BANK1: variants seen among roughly 807,000 people sequenced by gnomAD.
The protein encoded by BANK1 is B cell scaffold protein with ankyrin repeats 1.
In BANK1, 95 loss-of-function variants were observed where a neutral mutation model predicts 94.5. The observed-to-expected ratio is 1.00, with a 90% confidence interval of 0.85 to 1.19. The LOEUF (loss-of-function observed/expected upper bound fraction) is 1.19, where lower values mean the gene tolerates loss of function less well. Ranked by LOEUF, BANK1 falls within the 50% of genes most tolerant of loss-of-function variation. The pLI is 0.00. For synonymous variants in BANK1, 334 were observed against 308.4 expected, an observed-to-expected ratio of 1.08 and a Z score of -0.87; for missense variants, 987 against 932.2, an observed-to-expected ratio of 1.06 and a Z score of -0.77.
At chr4:101,954,490 G>T (rs1322992772) in intron 7 of BANK1, among the ~76,000 whole-genome samples, 1 of 152,054 alleles carries the variant, frequency 6.6e-6, no homozygotes, top group African/African-American at 2.4e-5. Context: ...GCCTAGAAAA[G>T]GTGGTAGTAA....
At chr4:101,989,528 C>G (rs2631272) in intron 7 of BANK1, among the ~76,000 whole-genome samples, 1 of 146,400 alleles carries the variant, frequency 6.8e-6, no homozygotes. Context: ...ATCTAAAGAA[C>G]TTATTTCAAT....
intron 2 of BANK1, among the ~76,000 whole-genome samples, chr4:101,842,800 T>C (rs1727102811): frequency 6.6e-6 from 1 of 152,216 alleles, no homozygotes; most frequent in Admixed American, 6.5e-5. Context: ...AATTTTCCCT[T>C]TCCTCATCAC....
At chr4:102,017,179 G>A (rs1237757893) in intron 7 of BANK1, among the ~76,000 whole-genome samples, 6 of 152,080 alleles carry the variant, frequency 3.9e-5, no homozygotes, top group Non-Finnish European at 4.4e-5. Flanking sequence ...TTTAAACGAA[G>A]GTAGTTATCT....
rs569787002 is a variant in BANK1, at chr4:101,960,022, G to A, written c.1206+41833G>A. ...CAAGAAGGGACTTGAGAAATGGGTGGGTGCACTCCTTCACTTTATGGAAGA... is the reference window on the plus strand; with the variant it reads ...CAAGAAGGGACTTGAGAAATGGGTGAGTGCACTCCTTCACTTTATGGAAGA... On this transcript the variant is annotated intron_variant, in intron 7 of 16. Coordinates refer to ENST00000322953, the MANE Select transcript of BANK1 (RefSeq NM_017935.5). Among the ~76,000 whole-genome samples the A allele has an allele frequency of 7.4e-4, 113 of 152,132 alleles. 1 individual carries two copies. Among genetic ancestry groups the A allele is most frequent in the Middle Eastern group, 6.8e-3 (2 of 294 alleles).
At chr4:101,815,664 A>G (rs774832281) in intron 1 of BANK1, among the ~76,000 whole-genome samples, 19 of 152,222 alleles carry the variant, frequency 1.2e-4, no homozygotes, top group African/African-American at 3.1e-4. Context: ...GATATTTAAA[A>G]ATTAATAGGT....
rs1726532592 is a variant in BANK1, at chr4:101,829,814, C to T, written c.77C>T (p.Thr26Ile). ...APCGPAPPGN[T>I]KDIIMIYEED... is the part of the protein sequence containing the mutation. ...ATATTTTTTCTTTTTCCAGGAAATA[C>T]AAAAGATATAATAATGATATATGAA... The change falls in exon 2 of 17, where the codon ACA becomes ATA. Residue 26 changes from threonine (T) to isoleucine (I), a missense_variant. Physicochemically the swap from Thr to Ile is moderately conservative, Grantham distance 89. Transcript: ENST00000322953. The T allele has an allele frequency of 6.6e-7, 1 of 1,513,334 alleles. No individual in the cohort carries two copies. The highest frequency in any genetic ancestry group is 8.9e-7 in the Non-Finnish European group (1 of 1,127,058). 93.7% of individuals were successfully genotyped at this position (1,513,334 alleles called of 1,614,324 possible). A position where few individuals can be genotyped will look rare whatever the true frequency, so the allele number is the denominator to read the frequency against.
intron 7 of BANK1, among the ~76,000 whole-genome samples, chr4:101,926,453 G>A (rs73836657): frequency 8.7e-4 from 132 of 151,708 alleles, no homozygotes; most frequent in African/African-American, 2.9e-3. Flanking sequence ...ATCAACTCTC[G>A]CTTAAGCCAG....
chr4:101,860,394 A>G (rs1578362117), intron 3 of BANK1, among the ~76,000 whole-genome samples: 1 of 151,146 alleles, frequency 6.6e-6, no homozygotes, highest in Non-Finnish European at 1.5e-5. Flanking sequence ...TTTCTCTGGA[A>G]ATGGTTGAAA....
intron 5 of BANK1, among the ~76,000 whole-genome samples, chr4:101,878,991 CA>C (rs34061204): frequency 2.0e-5 from 3 of 148,766 alleles, no homozygotes. Context: ...GTGCCTATGT[CA>C]AAAAAAAAGA....
At chr4:102,073,432 G>A (rs1035587716) in intron 15 of BANK1, among the ~76,000 whole-genome samples, 5 of 151,942 alleles carry the variant, frequency 3.3e-5, no homozygotes, top group African/African-American at 1.2e-4. Context: ...AAGAGGAAAA[G>A]AATACAAATT....
chr4:102,030,010 G>A lies in BANK1; in HGVS notation c.1645G>A (p.Gly549Ser). 1.9e-6 allele frequency: 3 copies of A among 1,613,130 alleles called. No individual in the cohort carries two copies. In the Admixed American group the frequency reaches 5.0e-5, roughly 27 times the overall value. ...MERSQNWGHP[G>S]VRQETGDEPK... The stretch of plus-strand genomic sequence containing the variant: ...AAGAAGTCAAAACTGGGGTCATCCT[G>A]GTGTTAGACAAGAAACAGGAGATGA... The change falls in exon 10 of 17, where the codon GGT becomes AGT. Residue 549 changes from glycine (G) to serine (S), a missense_variant. Transcript: ENST00000322953.
At chr4:102,072,497 T>A in intron 15 of BANK1, 97 bp downstream of exon 15, 1 of 886,844 alleles carries the variant, frequency 1.1e-6, no homozygotes, top group Non-Finnish European at 1.8e-6. Context: ...CTTTTAGACA[T>A]TCTAACAGAT....
At chr4:102,071,868 A>G (rs1578493557) in intron 14 of BANK1, among the ~76,000 whole-genome samples, 3 of 152,174 alleles carry the variant, frequency 2.0e-5, no homozygotes, top group Admixed American at 2.0e-4. Flanking sequence ...CCTGGACCAA[A>G]CCACTGACTG....
intron 7 of BANK1, among the ~76,000 whole-genome samples, chr4:102,009,968 T>TA (rs1434269308): frequency 6.6e-6 from 1 of 152,150 alleles, no homozygotes; most frequent in Non-Finnish European, 1.5e-5. Flanking sequence ...ATAAGTAAGT[T>TA]AAAAATTGAA....
intron 10 of BANK1, among the ~76,000 whole-genome samples, chr4:102,033,448 C>T (rs1727396116): frequency 6.6e-6 from 1 of 152,020 alleles, no homozygotes; most frequent in Admixed American, 6.5e-5. Flanking sequence ...AATGATAAAA[C>T]CTGTGTACTA....
chr4:101,926,149 C>G (rs1723144193), intron 7 of BANK1, among the ~76,000 whole-genome samples: 1 of 151,600 alleles, frequency 6.6e-6, no homozygotes, highest in Non-Finnish European at 1.5e-5. Context: ...TACTTTTCTA[C>G]TAGTATCATG....
intron 7 of BANK1, among the ~76,000 whole-genome samples, chr4:101,979,930 C>G (rs1725274149): frequency 6.6e-6 from 1 of 151,734 alleles, no homozygotes; most frequent in Non-Finnish European, 1.5e-5. Context: ...CCTATTGTTT[C>G]AAACTATTTG....
At chr4:102,006,875 C>A (rs1229658308) in intron 7 of BANK1, among the ~76,000 whole-genome samples, 1 of 150,180 alleles carries the variant, frequency 6.7e-6, no homozygotes, top group African/African-American at 2.4e-5. Context: ...AATCATGCCA[C>A]ATGTGTCTCA....
At chr4:101,801,437 GA>G (rs893265196) in intron 1 of BANK1, among the ~76,000 whole-genome samples, 1 of 151,846 alleles carries the variant, frequency 6.6e-6, no homozygotes, top group Non-Finnish European at 1.5e-5. Context: ...TCAGCTTTCA[GA>G]AAAAAAATTC....
Sources: gnomAD v4.1 joint callset for allele counts (sites outside exome capture counted in the v4.1 genomes callset) on GRCh38, gnomAD v4.1.1 for gene constraint, MANE v1.5 for transcripts, NCBI Gene and HGNC (gene_info 2026-07-23, HGNC 2026-07-21) for gene names.